The following NCAM1 variants were observed in gnomAD, a reference collection of about 807,000 sequenced individuals.
The protein encoded by NCAM1 is antigen recognized by monoclonal antibody 5.1H11.
Under a neutral mutation model 109.8 loss-of-function variants are expected in NCAM1, and 14 were observed. That is an observed-to-expected ratio of 0.13 (90% CI 0.08 to 0.20). The LOEUF is 0.20. Ranked by LOEUF, NCAM1 falls within the 10% of genes least tolerant of loss-of-function variation. The pLI is 1.00. For synonymous variants in NCAM1, 418 were observed against 442.9 expected, an observed-to-expected ratio of 0.94 and a Z score of 0.70; for missense variants, 774 against 1,109.9, an observed-to-expected ratio of 0.70 and a Z score of 4.30.
chr11:112,979,422 G>A (rs1951092606), intron 1 of NCAM1, among the ~76,000 whole-genome samples: 3 of 151,666 alleles, frequency 2.0e-5, no homozygotes, highest in Non-Finnish European at 4.4e-5. Context: ...ATAAATTGGG[G>A]CAGCCTCCAT....
intron 1 of NCAM1, among the ~76,000 whole-genome samples, chr11:113,096,710 G>A (rs1270524425): frequency 1.3e-5 from 2 of 151,838 alleles, no homozygotes; most frequent in African/African-American, 4.8e-5. Context: ...TTTTTAACTG[G>A]CATCACTGAT....
chr11:113,185,601 C>T (rs4936267), intron 1 of NCAM1, among the ~76,000 whole-genome samples: 121,725 of 152,164 alleles, frequency 0.8, 48,790 homozygotes, highest in East Asian at 0.86. Context: ...AACGTGAAAA[C>T]AAATGCATGA....
intron 1 of NCAM1, among the ~76,000 whole-genome samples, chr11:113,066,011 A>G (rs532455894): frequency 2.0e-5 from 3 of 152,190 alleles, no homozygotes; most frequent in South Asian, 2.1e-4. Flanking sequence ...GCGTGTGAAC[A>G]TTTTACTGTG....
At chr11:113,000,817 CATATATAT>C (rs375984527) in intron 1 of NCAM1, among the ~76,000 whole-genome samples, 244 of 129,450 alleles carry the variant, frequency 1.9e-3, no homozygotes, top group South Asian at 6.2e-3. Flanking sequence ...ATTATATATA[CATATATAT>C]ATATATATAT....
chr11:113,133,214 A>G (rs550160032), intron 1 of NCAM1: 1 of 152,344 alleles, frequency 6.6e-6, no homozygotes, highest in South Asian at 2.1e-4. Flanking sequence ...TTATGATGGC[A>G]GGAGAAGTGT....
intron 1 of NCAM1, among the ~76,000 whole-genome samples, chr11:112,988,892 T>G (rs1940719): frequency 0.14 from 20,551 of 151,814 alleles, 1,428 homozygotes; most frequent in African/African-American, 0.15. Flanking sequence ...GGATTACAGG[T>G]GTGCACCACC....
At chr11:113,247,752 A>G (rs1384599391) in intron 15 of NCAM1, among the ~76,000 whole-genome samples, 3 of 152,234 alleles carry the variant, frequency 2.0e-5, no homozygotes, top group African/African-American at 7.2e-5. Context: ...AATTGGGCTT[A>G]CCTTTAAAAA....
chr11:113,150,660 G>T (rs1021786172), intron 1 of NCAM1, among the ~76,000 whole-genome samples: 2 of 152,308 alleles, frequency 1.3e-5, no homozygotes, highest in Middle Eastern at 3.4e-3. Context: ...TTCATAAAAG[G>T]TGGAGTATCT....
chr11:113,273,106 C>G lies in NCAM1; in HGVS notation c.2456+1230C>G, dbSNP rs1383147978. The G allele has an allele frequency of 2.2e-6, 1 of 455,972 alleles. No individual in the cohort carries two copies. The highest frequency in any genetic ancestry group is 4.4e-6 in the Non-Finnish European group (1 of 226,504). The allele number at this position is 455,972 out of a possible 1,614,324, so 28.2% of individuals were successfully genotyped here. A position where few individuals can be genotyped will look rare whatever the true frequency, so the allele number is the denominator to read the frequency against. Reference sequence around the variant, plus strand: ...CCGCCGGCCACGGCCACGCCTGACTCAAACTCTGTACCGGCTGGCCAGGCC... The same window carrying G: ...CCGCCGGCCACGGCCACGCCTGACTGAAACTCTGTACCGGCTGGCCAGGCC... On this transcript the variant is annotated intron_variant, in intron 19 of 19. Coordinates refer to ENST00000316851, the MANE Select transcript of NCAM1 (RefSeq NM_181351.5). This position sits in a 1 kb window ranked among gnomAD's most constrained non-coding sequence, Gnocchi z 6.0.
chr11:113,134,367 T>A (rs2136145700), intron 1 of NCAM1, among the ~76,000 whole-genome samples: 1 of 152,294 alleles, frequency 6.6e-6, no homozygotes, highest in East Asian at 1.9e-4. Context: ...TAGACCACAT[T>A]TTGTTTATCC....
At chr11:113,068,843 A>G (rs1555084722) in intron 1 of NCAM1, among the ~76,000 whole-genome samples, 1 of 152,106 alleles carries the variant, frequency 6.6e-6, no homozygotes, top group African/African-American at 2.4e-5. Flanking sequence ...ATTATCTAGT[A>G]CCCCTTAAAT....
intron 1 of NCAM1, among the ~76,000 whole-genome samples, chr11:112,981,054 T>G (rs1951141721): frequency 6.6e-6 from 1 of 151,866 alleles, no homozygotes; most frequent in Admixed American, 6.6e-5. Flanking sequence ...TTACTCAGCA[T>G]AAGAGAATGT....
Position 113,027,804 on chromosome 11 carries a change from T to C in NCAM1, c.52+66140T>C, listed in dbSNP as rs185347194. ...TTTCTTTAATAAGATTTTATTTCAA[T>C]TTAAGGTAATTTAAATCAAACTTTT... On this transcript the variant is annotated intron_variant, in intron 1 of 19. Transcript: ENST00000316851. Among the ~76,000 whole-genome samples the C allele has an allele frequency of 1.8e-3, 280 of 152,336 alleles. 1 individual carries two copies. The highest frequency in any genetic ancestry group is 4.6e-3 in the Admixed American group (70 of 15,298).
intron 1 of NCAM1, among the ~76,000 whole-genome samples, chr11:113,075,707 C>A (rs1555086004): frequency 2.6e-5 from 4 of 152,144 alleles, no homozygotes. Context: ...TAAGAAATTA[C>A]CAGCATCAAG....
intron 1 of NCAM1, among the ~76,000 whole-genome samples, chr11:113,012,686 T>C (rs1317615999): frequency 6.6e-6 from 1 of 152,200 alleles, no homozygotes; most frequent in Non-Finnish European, 1.5e-5. Context: ...TGTTTCCTGG[T>C]GTTCTTCTTG....
chr11:113,195,714 G>A (rs964390512), intron 1 of NCAM1, among the ~76,000 whole-genome samples: 2 of 151,702 alleles, frequency 1.3e-5, no homozygotes, highest in African/African-American at 4.8e-5. Flanking sequence ...CACTGTGTTA[G>A]CCAGGATGGT....
chr11:113,088,859 G>A (rs12281332), intron 1 of NCAM1, among the ~76,000 whole-genome samples: 10,897 of 152,100 alleles, frequency 0.072, 729 homozygotes, highest in Admixed American at 0.17. Flanking sequence ...TGTTTTGCTG[G>A]AGTTTAATGG....
intron 1 of NCAM1, among the ~76,000 whole-genome samples, chr11:112,980,431 T>A (rs1262750795): frequency 6.6e-6 from 1 of 151,740 alleles, no homozygotes; most frequent in African/African-American, 2.4e-5. Flanking sequence ...TAAATTTCCA[T>A]CAATTGATGA....
At chr11:112,987,416 T>A (rs1216842305) in intron 1 of NCAM1, among the ~76,000 whole-genome samples, 1 of 152,148 alleles carries the variant, frequency 6.6e-6, no homozygotes, top group Non-Finnish European at 1.5e-5. Context: ...TGGTCTCATG[T>A]GTAGCTCAAC....
Sources: gnomAD v4.1 joint callset for allele counts (sites outside exome capture counted in the v4.1 genomes callset) on GRCh38, gnomAD v4.1.1 for gene constraint, Gnocchi (gnomAD v3.1) non-coding constraint, MANE v1.5 for transcripts, NCBI Gene and HGNC (gene_info 2026-07-23, HGNC 2026-07-21) for gene names.